PCDHGA2: variants seen among roughly 807,000 people sequenced by gnomAD.
PCDHGA2 encodes protocadherin gamma-A2.
In PCDHGA2, 40 loss-of-function variants were observed where a neutral mutation model predicts 59.2. That is an observed-to-expected ratio of 0.68 (90% confidence interval 0.52 to 0.88). The LOEUF is 0.88. PCDHGA2 is among the 40% of genes least tolerant of loss of function. The pLI, the probability that PCDHGA2 is intolerant of heterozygous loss-of-function variation, is 0.00. For synonymous variants in PCDHGA2, 560 were observed against 526.0 expected, an observed-to-expected ratio of 1.06 and a Z score of -0.89; for missense variants, 1,226 against 1,204.0, an observed-to-expected ratio of 1.02 and a Z score of -0.27.
chr5:141,510,015 A>G (rs2099879210), intron 3 of PCDHGA2, among the ~76,000 whole-genome samples: 1 of 152,210 alleles, frequency 6.6e-6, no homozygotes, highest in Non-Finnish European at 1.5e-5. Flanking sequence ...GTCATACCAC[A>G]TAGCTGGCTG....
rs751243167 is a variant in PCDHGA2, at chr5:141,361,306, A to G, written c.2424+19911A>G. 2.5e-6 allele frequency: 4 copies of G among 1,613,858 alleles called. No homozygotes were observed. In the Admixed American group the frequency reaches 6.7e-5, roughly 27 times the overall value. ...TTACTGCCAAGTGTTGGGAAATGCC[A>G]AGTTTATTTTGAAATCTTCCTCAAA... On this transcript the variant is annotated intron_variant, in intron 1 of 3. Coordinates refer to ENST00000394576, the MANE Select transcript of PCDHGA2 (RefSeq NM_018915.4).
intron 1 of PCDHGA2, chr5:141,352,369 G>A (rs376653934): frequency 5.0e-6 from 8 of 1,614,054 alleles, no homozygotes; most frequent in Non-Finnish European, 5.1e-6. Flanking sequence ...TCCTCGCGGT[G>A]ATTCTAGCGA....
At chr5:141,343,316 T>A in intron 1 of PCDHGA2, 1 of 977,228 alleles carries the variant, frequency 1.0e-6, no homozygotes, top group Non-Finnish European at 1.2e-6. Flanking sequence ...GATTTCTGTG[T>A]GTTTCTTTTC....
chr5:141,444,545 C>G (rs1346405150), intron 1 of PCDHGA2, among the ~76,000 whole-genome samples: 1 of 152,042 alleles, frequency 6.6e-6, no homozygotes, highest in Non-Finnish European at 1.5e-5. Context: ...GTCTAGTGAG[C>G]AAAAGGCACT....
At chr5:141,461,799 G>T (rs1025237561) in intron 1 of PCDHGA2, among the ~76,000 whole-genome samples, 5 of 151,188 alleles carry the variant, frequency 3.3e-5, no homozygotes, top group Admixed American at 1.3e-4. Context: ...GATTACAGGT[G>T]CCCACCACCA....
chr5:141,350,834 C>T (rs1353331029), intron 1 of PCDHGA2: 1 of 1,614,054 alleles, frequency 6.2e-7, no homozygotes, highest in Admixed American at 1.7e-5. Context: ...TCCGGTATTA[C>T]TGCTGGAAAA....
At chr5:141,413,631 G>A in intron 1 of PCDHGA2, 4 of 1,613,750 alleles carry the variant, frequency 2.5e-6, no homozygotes, top group Admixed American at 1.7e-5. Context: ...ATGTCGCTGC[G>A]GGAATGCGTT....
At chr5:141,448,926 C>T (rs528128105) in intron 1 of PCDHGA2, among the ~76,000 whole-genome samples, 5 of 152,256 alleles carry the variant, frequency 3.3e-5, no homozygotes, top group African/African-American at 9.6e-5. Context: ...GCCTGGGCGA[C>T]AGAGCAAGAC....
intron 1 of PCDHGA2, among the ~76,000 whole-genome samples, chr5:141,407,339 T>C (rs958646781): frequency 3.3e-5 from 5 of 152,222 alleles, no homozygotes; most frequent in Non-Finnish European, 7.3e-5. Context: ...TTGAAATGTA[T>C]GTTAATTTGG....
intron 1 of PCDHGA2, chr5:141,427,298 G>C (rs960474831): frequency 4.4e-6 from 2 of 456,752 alleles, no homozygotes; most frequent in East Asian, 1.4e-4. Context: ...TCCTAGATGA[G>C]AATGACAATG....
chr5:141,478,164 C>T, intron 1 of PCDHGA2: 1 of 1,614,010 alleles, frequency 6.2e-7, no homozygotes, highest in Non-Finnish European at 8.5e-7. Context: ...GGCTCTGCCC[C>T]CCGGGAGCAG....
chr5:141,422,431 T>G, intron 1 of PCDHGA2: 1 of 1,608,846 alleles, frequency 6.2e-7, no homozygotes, highest in Non-Finnish European at 8.5e-7. Flanking sequence ...TTATGGAAAT[T>G]ATTACAAATT....
At chr5:141,374,080 A>T in intron 1 of PCDHGA2, 1 of 1,520,068 alleles carries the variant, frequency 6.6e-7, no homozygotes. Context: ...CTAATAAGCC[A>T]GTAATGGCGC....
intron 1 of PCDHGA2, among the ~76,000 whole-genome samples, chr5:141,373,223 T>C (rs1769412774): frequency 6.6e-6 from 1 of 152,256 alleles, no homozygotes; most frequent in Admixed American, 6.5e-5. Context: ...ATGTAACCTG[T>C]ATATAATATT....
chr5:141,447,064 C>T (rs1453083716), intron 1 of PCDHGA2, among the ~76,000 whole-genome samples: 1 of 152,064 alleles, frequency 6.6e-6, no homozygotes, highest in Non-Finnish European at 1.5e-5. Context: ...ATGTGTCAGG[C>T]TGTTTTAATT....
intron 1 of PCDHGA2, among the ~76,000 whole-genome samples, chr5:141,380,452 A>G (rs939705980): frequency 9.9e-5 from 15 of 152,226 alleles, no homozygotes; most frequent in African/African-American, 3.6e-4. Flanking sequence ...TTTTTAATGC[A>G]ACCAAACAAA....
chr5:141,413,381 G>A, intron 1 of PCDHGA2: 1 of 1,613,946 alleles, frequency 6.2e-7, no homozygotes, highest in Non-Finnish European at 8.5e-7. Flanking sequence ...CGCGGAGTCC[G>A]CATAGTCTCC....
chr5:141,387,207 T>A (rs986621045), intron 1 of PCDHGA2, among the ~76,000 whole-genome samples: 1 of 152,136 alleles, frequency 6.6e-6, no homozygotes, highest in Non-Finnish European at 1.5e-5. Flanking sequence ...TTACTGATAC[T>A]CTCCGGAAAA....
intron 1 of PCDHGA2, among the ~76,000 whole-genome samples, chr5:141,456,857 G>A (rs957526443): frequency 6.6e-5 from 10 of 152,234 alleles, no homozygotes; most frequent in African/African-American, 2.4e-4. Context: ...CAGCTAATTG[G>A]GAGGCTGAGG....
Sources: gnomAD v4.1 joint callset for allele counts (sites outside exome capture counted in the v4.1 genomes callset) on GRCh38, gnomAD v4.1.1 for gene constraint, MANE v1.5 for transcripts, NCBI Gene and HGNC (gene_info 2026-07-23, HGNC 2026-07-21) for gene names.